Variants in AP3B1 observed in about 807,000 individuals in gnomAD.
AP3B1 encodes adaptor related protein complex 3 subunit beta 1.
AP3B1 carries 61 observed loss-of-function variants against 132.5 expected under a neutral mutation model. The observed-to-expected ratio is 0.46, with a 90% CI of 0.37 to 0.57. The LOEUF is 0.57. Ranked by LOEUF, AP3B1 falls within the 20% of genes least tolerant of loss-of-function variation. The pLI is 0.00. For synonymous variants in AP3B1, 388 were observed against 438.3 expected, an observed-to-expected ratio of 0.89 and a Z score of 1.43; for missense variants, 1,120 against 1,289.4, an observed-to-expected ratio of 0.87 and a Z score of 2.01.
chr5:78,047,435 C>A (rs948708922), intron 22 of AP3B1, among the ~76,000 whole-genome samples: 25 of 152,150 alleles, frequency 1.6e-4, no homozygotes, highest in Non-Finnish European at 2.9e-4. Context: ...TTTTGATTTG[C>A]ATTTCTCTAA....
At chr5:78,105,578 TA>T (rs1751299657) in intron 20 of AP3B1, among the ~76,000 whole-genome samples, 1 of 152,164 alleles carries the variant, frequency 6.6e-6, no homozygotes, top group South Asian at 2.1e-4. Flanking sequence ...TTACATTGTG[TA>T]AAGTATGTGA....
chr5:78,290,588 AGT>A (rs772652888), intron 1 of AP3B1, among the ~76,000 whole-genome samples: 1 of 152,028 alleles, frequency 6.6e-6, no homozygotes. Context: ...GGTTAAAAGA[AGT>A]TTTTTTTTAA....
In AP3B1 at chr5:78,039,095, T is replaced by C. The variant is rs764958808; in HGVS notation, c.2757A>G (p.Ile919Met). 1 of 1,612,844 alleles carries C rather than the reference T, an allele frequency of 6.2e-7. No homozygotes were observed. Among genetic ancestry groups the C allele is most frequent in the African/African-American group, 1.3e-5 (1 of 74,898 alleles). Reference sequence around the variant, plus strand: ...TGCCTATAGGAAGTTTTTTTTCCCCTATGTGGATATTTTCTATCTTTCGAT... The same window carrying C: ...TGCCTATAGGAAGTTTTTTTTCCCCCATGTGGATATTTTCTATCTTTCGAT... ...TTDRKIENIH[I>M]GEKKLPIGMK... The change falls in exon 23 of 27, where the codon ATA (isoleucine) becomes ATG (methionine). Residue 919 changes from isoleucine to methionine, a missense_variant. Physicochemically the swap from Ile to Met is conservative, Grantham distance 10 (BLOSUM62 1). This residue lies in a region of AP3B1 where 906 missense variants were observed against 997.1 expected (regional missense o/e 0.91). Transcript: ENST00000255194.
At chr5:78,168,359 G>A (rs1466244622) in intron 11 of AP3B1, among the ~76,000 whole-genome samples, 2 of 151,726 alleles carry the variant, frequency 1.3e-5, no homozygotes, top group Admixed American at 6.6e-5. Context: ...AAGTAGCTGG[G>A]ACTACAGGTG....
chr5:78,149,153 T>C (rs982309380), intron 14 of AP3B1, among the ~76,000 whole-genome samples: 3 of 152,114 alleles, frequency 2.0e-5, no homozygotes, highest in Non-Finnish European at 4.4e-5. Context: ...GGTCACTGAG[T>C]AGGTATGTGA....
chr5:78,086,042 T>C (rs569215387), intron 22 of AP3B1, among the ~76,000 whole-genome samples: 1 of 152,298 alleles, frequency 6.6e-6, no homozygotes, highest in Non-Finnish European at 1.5e-5. Flanking sequence ...CTGTCATCTT[T>C]CCCCACCTTC....
intron 22 of AP3B1, among the ~76,000 whole-genome samples, chr5:78,061,633 A>G (rs1169637001): frequency 6.6e-6 from 1 of 152,146 alleles, no homozygotes; most frequent in African/African-American, 2.4e-5. Context: ...TTAATTTCAA[A>G]CTCATATTTA....
intron 22 of AP3B1, among the ~76,000 whole-genome samples, chr5:78,049,817 T>TAA (rs1448812258): frequency 6.6e-6 from 1 of 152,218 alleles, no homozygotes; most frequent in Non-Finnish European, 1.5e-5. Context: ...CAGTTAAAGT[T>TAA]ACATCATGCA....
Position 78,248,492 on chromosome 5 carries a change from C to CA in AP3B1, c.205-7557dup, listed in dbSNP as rs34983157. On this transcript the variant is annotated intron_variant, in intron 2 of 26. Coordinates refer to ENST00000255194, the MANE Select transcript of AP3B1 (RefSeq NM_003664.5). Reference sequence around the variant, plus strand: ...TGGGCAACAGAGCGAGACTCTGTCTCAAAAAAAAAAAAAAAAAAAAAAAAG... The same window carrying CA: ...TGGGCAACAGAGCGAGACTCTGTCTCAAAAAAAAAAAAAAAAAAAAAAAAAG... Among the ~76,000 whole-genome samples, 594 of 71,214 alleles carry CA rather than the reference C, an allele frequency of 8.3e-3. 9 individuals are homozygous for CA. Among genetic ancestry groups the CA allele is most frequent in the East Asian group, 0.055 (134 of 2,428 alleles). The allele number at this position is 71,214 out of a possible 152,430, so 46.7% of individuals were successfully genotyped here. A position where few individuals can be genotyped will look rare whatever the true frequency, so the allele number is the denominator to read the frequency against.
intron 12 of AP3B1, among the ~76,000 whole-genome samples, 185 bp downstream of exon 12, chr5:78,165,423 CTA>C (rs776415785): frequency 6.6e-6 from 1 of 152,134 alleles, no homozygotes; most frequent in Admixed American, 6.5e-5. Context: ...AAAGAGAATA[CTA>C]TGTTTTCCTT....
At chr5:78,183,821 C>G (rs983417267) in intron 7 of AP3B1, among the ~76,000 whole-genome samples, 1 of 144,088 alleles carries the variant, frequency 6.9e-6, no homozygotes, top group African/African-American at 2.6e-5. Flanking sequence ...GAGCCAAGAT[C>G]GCGCCATTGC....
At chr5:78,168,149 T>A (rs1743737064) in intron 11 of AP3B1, among the ~76,000 whole-genome samples, 1 of 151,952 alleles carries the variant, frequency 6.6e-6, no homozygotes, top group Admixed American at 6.6e-5. Flanking sequence ...TAGAAATATT[T>A]TTCCCAGATA....
rs112571893 is a variant in AP3B1, at chr5:78,240,763, A to G, written c.279+99T>C. ...GACATTTTAATCATAACAAAAATCT[A>G]GTGATACTTAAGTATCTTATGTTGC... is the stretch of plus-strand genomic sequence containing the variant. On this transcript the variant is annotated intron_variant, in intron 3 of 26. Coordinates refer to ENST00000255194, the MANE Select transcript of AP3B1 (RefSeq NM_003664.5). 10 of 798,198 alleles carry G rather than the reference A, an allele frequency of 1.3e-5. 1 individual carries two copies. In the Middle Eastern group the frequency reaches 1.4e-3, roughly 114 times the overall value. 49.4% of individuals were successfully genotyped at this position (798,198 alleles called of 1,614,324 possible).
chr5:78,187,514 C>T (rs1425961945), intron 7 of AP3B1, among the ~76,000 whole-genome samples: 2 of 151,934 alleles, frequency 1.3e-5, no homozygotes, highest in African/African-American at 4.8e-5. Context: ...TTTTGCTGTA[C>T]AAATGTTTAA....
chr5:78,139,070 G>A (rs1458439929), intron 15 of AP3B1, among the ~76,000 whole-genome samples: 2 of 142,284 alleles, frequency 1.4e-5, no homozygotes, highest in African/African-American at 5.2e-5. Context: ...GTGCAAACTA[G>A]TTGTCTTCAA....
intron 24 of AP3B1, among the ~76,000 whole-genome samples, chr5:78,025,835 C>A (rs191323182): frequency 6.8e-4 from 103 of 152,304 alleles, no homozygotes; most frequent in African/African-American, 2.5e-3. Context: ...GTTTCTGTTA[C>A]ACACAACCAA....
intron 21 of AP3B1, among the ~76,000 whole-genome samples, chr5:78,097,208 G>A (rs1192659830): frequency 8.1e-6 from 1 of 123,156 alleles, no homozygotes; most frequent in African/African-American, 3.2e-5. Context: ...CCCTCTGCCC[G>A]GCCAGCCACC....
At chr5:78,201,383 A>T (rs1745282968) in intron 7 of AP3B1, among the ~76,000 whole-genome samples, 1 of 152,222 alleles carries the variant, frequency 6.6e-6, no homozygotes, top group Non-Finnish European at 1.5e-5. Flanking sequence ...TAGGCAAAAC[A>T]CTGGAAATAG....
chr5:78,223,260 A>G, intron 6 of AP3B1, among the ~76,000 whole-genome samples: 1 of 152,026 alleles, frequency 6.6e-6, no homozygotes, highest in East Asian at 1.9e-4. Context: ...AGGTGTCAGT[A>G]AAAACTTTGT....
Sources: gnomAD v4.1 joint callset for allele counts (sites outside exome capture counted in the v4.1 genomes callset) on GRCh38, gnomAD v4.1.1 for gene constraint, gnomAD v4.1.1 regional missense constraint, MANE v1.5 for transcripts, NCBI Gene and HGNC (gene_info 2026-07-23, HGNC 2026-07-21) for gene names.